Variants in GRB10 observed in about 807,000 individuals in gnomAD.
The protein encoded by GRB10 is growth factor receptor-bound protein 10.
Under a neutral mutation model 80.9 loss-of-function variants are expected in GRB10, and 20 were observed. The ratio of observed to expected loss-of-function variants is 0.25; its 90% confidence interval spans 0.17 to 0.36. The LOEUF (loss-of-function observed/expected upper bound fraction) is 0.36. Among genes scored for constraint, GRB10 ranks in the 10% least tolerant of loss-of-function variants. The pLI, the probability that GRB10 is intolerant of heterozygous loss-of-function variation, is 1.00. For synonymous variants in GRB10, 291 were observed against 291.5 expected (o/e 1.00, Z 0.02); for missense variants, 548 against 747.7 (o/e 0.73, Z 3.12).
In GRB10 at chr7:50,604,073, G is replaced by GT. The variant is rs1390071101; in HGVS notation, c.1468dup (p.Thr490AsnfsTer19). 1 of 1,613,756 alleles carries GT rather than the reference G, an allele frequency of 6.2e-7. No individual in the cohort carries two copies. The highest frequency in any genetic ancestry group is 2.2e-5 in the East Asian group (1 of 44,878). On this transcript the variant is annotated frameshift_variant, in exon 17 of 19. Coordinates refer to ENST00000401949, the MANE Select transcript of GRB10 (RefSeq NM_001350814.2). LOFTEE classifies it high-confidence loss of function. ...GATCCTCCCGTGAAACCAGTGCTGT[G>GT]TCCTGTGAATCACTGTGGGGGGAAG...
chr7:50,705,202 G>A (rs953537331), intron 4 of GRB10: 1 of 985,826 alleles, frequency 1.0e-6, no homozygotes, highest in South Asian at 4.7e-5. Context: ...ACAATGGGGG[G>A]AAGCAGAGGG....
Position 50,604,926 on chromosome 7 carries a change from A to C in GRB10, c.1389+364T>G, listed in dbSNP as rs2153569643. On this transcript the variant is annotated intron_variant, in intron 15 of 18. Transcript: ENST00000401949. Reference sequence around the variant, plus strand: ...CCAAGGCCTCCAGGCTGTTAGTAGCAGACCTTGATGTGAGCACCTGCTGGC... The same window carrying C: ...CCAAGGCCTCCAGGCTGTTAGTAGCCGACCTTGATGTGAGCACCTGCTGGC... The C allele has an allele frequency of 6.4e-6, 2 of 313,376 alleles. 1 individual carries two copies. Among genetic ancestry groups the C allele is most frequent in the South Asian group, 7.9e-5 (2 of 25,476 alleles). 19.4% of individuals were successfully genotyped at this position (313,376 alleles called of 1,614,324 possible). A position where few individuals can be genotyped will look rare whatever the true frequency, so the allele number is the denominator to read the frequency against.
chr7:50,631,401 A>C (rs977986704), intron 7 of GRB10, among the ~76,000 whole-genome samples: 38 of 152,296 alleles, frequency 2.5e-4, no homozygotes, highest in African/African-American at 8.9e-4. Context: ...ACCTACCCTG[A>C]GACCTTCACA....
At chr7:50,633,918 T>C (rs1272461056) in intron 7 of GRB10, among the ~76,000 whole-genome samples, 3 of 152,172 alleles carry the variant, frequency 2.0e-5, no homozygotes, top group East Asian at 1.9e-4. Flanking sequence ...CTAGGACTTA[T>C]AGGTATTCCT....
chr7:50,639,125 A>C (rs1056309478), intron 7 of GRB10, among the ~76,000 whole-genome samples: 1 of 152,192 alleles, frequency 6.6e-6, no homozygotes, highest in Admixed American at 6.5e-5. Flanking sequence ...GGGTTTTAGA[A>C]ATTACCTGTT....
chr7:50,693,559 G>A (rs746592728), intron 5 of GRB10, among the ~76,000 whole-genome samples: 1 of 152,196 alleles, frequency 6.6e-6, no homozygotes, highest in Non-Finnish European at 1.5e-5. Flanking sequence ...CTCAAGTCAG[G>A]AGTTAAGTGT....
intron 3 of GRB10, among the ~76,000 whole-genome samples, chr7:50,744,161 C>T (rs1228833576): frequency 6.6e-6 from 1 of 152,032 alleles, no homozygotes; most frequent in Non-Finnish European, 1.5e-5. Flanking sequence ...CAGAGTACTG[C>T]CTCAATCGTA....
At chr7:50,765,257 G>A (rs931836048) in intron 2 of GRB10, among the ~76,000 whole-genome samples, 45 of 152,316 alleles carry the variant, frequency 3.0e-4, no homozygotes, top group African/African-American at 1.0e-3. Flanking sequence ...AGAACAATAT[G>A]GAGGTTCCTC....
chr7:50,694,906 T>G (rs1267266894), intron 5 of GRB10, among the ~76,000 whole-genome samples: 1 of 152,234 alleles, frequency 6.6e-6, no homozygotes, highest in Admixed American at 6.5e-5. Context: ...AATGCCATGA[T>G]AGCAGATAGA....
chr7:50,599,051 A>G (rs2047139051), intron 17 of GRB10, among the ~76,000 whole-genome samples: 1 of 152,146 alleles, frequency 6.6e-6, no homozygotes, highest in Non-Finnish European at 1.5e-5. Context: ...TTCCCCTTAA[A>G]AAGATCCTTC....
At chr7:50,682,356 TGA>T (rs1020815300) in intron 5 of GRB10, among the ~76,000 whole-genome samples, 7 of 152,240 alleles carry the variant, frequency 4.6e-5, no homozygotes, top group Admixed American at 2.6e-4. Context: ...ACACCTCTGC[TGA>T]CGTTTTCCCC....
intron 3 of GRB10, among the ~76,000 whole-genome samples, chr7:50,738,412 T>C (rs2071171527): frequency 6.6e-6 from 1 of 152,168 alleles, no homozygotes; most frequent in Admixed American, 6.5e-5. Context: ...GGATAATTCA[T>C]CAACAGACAA....
chr7:50,639,668 T>A (rs2055835824), intron 7 of GRB10, among the ~76,000 whole-genome samples: 1 of 145,284 alleles, frequency 6.9e-6, no homozygotes, highest in African/African-American at 2.7e-5. Flanking sequence ...AGCAAGACTC[T>A]GTCTCAAAAA....
chr7:50,685,106 T>C (rs760899984), intron 5 of GRB10, among the ~76,000 whole-genome samples: 6 of 152,244 alleles, frequency 3.9e-5, no homozygotes, highest in African/African-American at 1.4e-4. Context: ...TAACACTCTA[T>C]GATTCTGTGG....
Position 50,755,996 on chromosome 7 carries a change from GC to G in GRB10, c.-157del. The G allele has an allele frequency of 2.5e-6, 1 of 398,790 alleles. No homozygotes were observed. Among genetic ancestry groups the G allele is most frequent in the Non-Finnish European group, 4.4e-6 (1 of 226,200 alleles). The allele number at this position is 398,790 out of a possible 1,614,324, so 24.7% of individuals were successfully genotyped here. On this transcript the variant is annotated 5_prime_UTR_variant, in exon 3 of 19. Transcript: ENST00000401949. The stretch of plus-strand genomic sequence containing the variant: ...CGGTCACTGGGCTGCTGGTCACTGA[GC>G]TACCAGTCACTGGGCCTGCAGCTGC...
At chr7:50,732,408 A>C in intron 3 of GRB10, 40 bp from the exon 4 acceptor site, 1 of 1,228,194 alleles carries the variant, frequency 8.1e-7, no homozygotes, top group Non-Finnish European at 1.2e-6. Flanking sequence ...AGCCAGAAAA[A>C]AAAAAAAAAA....
intron 6 of GRB10, among the ~76,000 whole-genome samples, chr7:50,670,764 A>C (rs1307726764): frequency 6.6e-6 from 1 of 152,250 alleles, no homozygotes; most frequent in Non-Finnish European, 1.5e-5. Flanking sequence ...GTGTGTTCTC[A>C]TCTGAATTAT....
intron 7 of GRB10, among the ~76,000 whole-genome samples, chr7:50,661,351 G>A (rs1334349648): frequency 6.6e-6 from 1 of 152,194 alleles, no homozygotes. Flanking sequence ...GCTGATTGGA[G>A]CTAAGACAAG....
At chr7:50,653,282 A>G (rs1187651768) in intron 7 of GRB10, among the ~76,000 whole-genome samples, 3 of 152,182 alleles carry the variant, frequency 2.0e-5, no homozygotes, top group Admixed American at 6.5e-5. Flanking sequence ...CCACAGCAGG[A>G]AGAGTCTGTG....
Sources: gnomAD v4.1 joint callset for allele counts (sites outside exome capture counted in the v4.1 genomes callset) on GRCh38, gnomAD v4.1.1 for gene constraint, MANE v1.5 for transcripts, NCBI Gene and HGNC (gene_info 2026-07-23, HGNC 2026-07-21) for gene names.